THRAP3: variants seen among roughly 807,000 people sequenced by gnomAD.
THRAP3 encodes the protein thyroid hormone receptor-associated protein 3.
Under a neutral mutation model 101.0 loss-of-function variants are expected in THRAP3, and 16 were observed. The ratio of observed to expected loss-of-function variants is 0.16; its 90% confidence interval spans 0.11 to 0.24. THRAP3 has a LOEUF of 0.24. Among genes scored for constraint, THRAP3 ranks in the 10% least tolerant of loss-of-function variants. The pLI, the probability that THRAP3 is intolerant of heterozygous loss-of-function variation, is 1.00. For missense variants in THRAP3, 989 were observed against 1,202.7 expected (o/e 0.82, Z 2.63); for synonymous variants, 407 against 422.6 (o/e 0.96, Z 0.45).
chr1:36,245,873 A>C (rs564557403), intron 1 of THRAP3, among the ~76,000 whole-genome samples: 33 of 152,296 alleles, frequency 2.2e-4, no homozygotes, highest in Non-Finnish European at 4.1e-4. Flanking sequence ...CGTATTTTTC[A>C]GTCAGTAGCA....
chr1:36,264,777 T>A (rs1645491697), intron 2 of THRAP3, among the ~76,000 whole-genome samples: 1 of 152,204 alleles, frequency 6.6e-6, no homozygotes, highest in Non-Finnish European at 1.5e-5. Flanking sequence ...AGTTGAAGAT[T>A]TATTGAAAAT....
chr1:36,228,511 ATCTGGCCTAATT>A (rs1412491992), intron 1 of THRAP3, among the ~76,000 whole-genome samples: 1 of 152,168 alleles, frequency 6.6e-6, no homozygotes, highest in Non-Finnish European at 1.5e-5. Flanking sequence ...GAGCCAGCGC[ATCTGGCCTAATT>A]TTTGTATTTT....
intron 2 of THRAP3, among the ~76,000 whole-genome samples, chr1:36,264,658 G>C (rs968193237): frequency 6.6e-6 from 1 of 152,204 alleles, no homozygotes; most frequent in Non-Finnish European, 1.5e-5. Flanking sequence ...GTTGCTTATT[G>C]TGTGTTGAGA....
At chr1:36,285,394 CG>C (rs1323258062) in intron 3 of THRAP3, among the ~76,000 whole-genome samples, 2 of 152,120 alleles carry the variant, frequency 1.3e-5, no homozygotes, top group African/African-American at 4.8e-5. Flanking sequence ...CACCAACATA[CG>C]TAATTTTTGG....
chr1:36,282,598 G>A lies in THRAP3; in HGVS notation c.35G>A (p.Arg12His), dbSNP rs764933538. 19 of 1,613,820 alleles carry A rather than the reference G, an allele frequency of 1.2e-5. No homozygotes were observed. Among genetic ancestry groups the A allele is most frequent in the South Asian group, 2.2e-5 (2 of 91,078 alleles). Reference protein sequence around the residue: ...SKTNKSKSGSRSSRSRSASRS... With the variant: ...SKTNKSKSGSHSSRSRSASRS... ...ACAAACAAATCCAAGTCTGGATCTC[G>A]CTCTTCTCGCTCAAGATCTGCATCA... is the stretch of plus-strand genomic sequence containing the variant. The change falls in exon 3 of 12, where the codon CGC (arginine) becomes CAC (histidine). Residue 12 changes from arginine (R) to histidine (H), a missense_variant. Transcript: ENST00000354618.
chr1:36,225,778 G>A (rs912648318), intron 1 of THRAP3, among the ~76,000 whole-genome samples: 8 of 152,176 alleles, frequency 5.3e-5, no homozygotes, highest in African/African-American at 1.9e-4. Flanking sequence ...AGCAAATCGG[G>A]CTCAGTTTGT....
At chr1:36,292,250 G>GTTTTT (rs1645880238) in intron 6 of THRAP3, among the ~76,000 whole-genome samples, 1 of 68,688 alleles carries the variant, frequency 1.5e-5, no homozygotes, top group African/African-American at 4.5e-5. Flanking sequence ...GTAACATAAT[G>GTTTTT]TGTTTCTTTG....
intron 1 of THRAP3, among the ~76,000 whole-genome samples, chr1:36,237,789 A>AC (rs1038588633): frequency 7.2e-5 from 11 of 152,228 alleles, no homozygotes; most frequent in African/African-American, 2.4e-4. Context: ...AAACAAACAA[A>AC]AAAAAACAAC....
Position 36,303,783 on chromosome 1 carries a change from T to G in THRAP3, c.2647-13T>G, listed in dbSNP as rs776291927. 6.2e-7 allele frequency: 1 copy of G among 1,613,910 alleles called. No homozygotes were observed. Among genetic ancestry groups the G allele is most frequent in the South Asian group, 1.1e-5 (1 of 91,038 alleles). ...TTCACTCTGGCACTGATGGCAATTT[T>G]CTTTCCCCTCAGCATGATGACCGTG... On this transcript the variant is annotated splice_polypyrimidine_tract_variant and intron_variant, in intron 11 of 11. Coordinates refer to ENST00000354618, the MANE Select transcript of THRAP3 (RefSeq NM_005119.4).
At chr1:36,292,287 T>TC (rs1645885201) in intron 6 of THRAP3, among the ~76,000 whole-genome samples, 1 of 119,810 alleles carries the variant, frequency 8.3e-6, no homozygotes, top group Non-Finnish European at 1.7e-5. Context: ...TTTTTTTTTT[T>TC]TTGAGACGGA....
At position 36,253,630 on chromosome 1, in the gene THRAP3, G is replaced by A. The variant is rs764053844; in HGVS notation, c.-134-5752G>A. Among the ~76,000 whole-genome samples the A allele has an allele frequency of 3.3e-5, 5 of 152,102 alleles. No individual in the cohort carries two copies. The Middle Eastern group carries it at 0.01, about 310-fold the overall frequency. On this transcript the variant is annotated intron_variant, in intron 1 of 11. Coordinates refer to ENST00000354618, the MANE Select transcript of THRAP3 (RefSeq NM_005119.4). The stretch of plus-strand genomic sequence containing the variant: ...TTTCTTTGAGACAGAATCTCCCTCC[G>A]TCAGCTAGTCTGGAGTGCAGTGATG...
chr1:36,269,074 T>C (rs1251269542), intron 2 of THRAP3, among the ~76,000 whole-genome samples: 1 of 135,832 alleles, frequency 7.4e-6, no homozygotes, highest in Non-Finnish European at 1.7e-5. Context: ...TTGGGTATTT[T>C]GTCTTGGCAG....
intron 1 of THRAP3, among the ~76,000 whole-genome samples, chr1:36,250,941 T>C (rs917031119): frequency 6.6e-6 from 1 of 151,828 alleles, no homozygotes; most frequent in Admixed American, 6.6e-5. Context: ...GAGATGGGGT[T>C]TTACCATGTT....
At chr1:36,247,658 A>AT (rs1196069277) in intron 1 of THRAP3, among the ~76,000 whole-genome samples, 1 of 152,138 alleles carries the variant, frequency 6.6e-6, no homozygotes, top group East Asian at 1.9e-4. Flanking sequence ...CAAGTATGAT[A>AT]TACAAGAAAT....
At chr1:36,208,515 G>A in the THRAP3 span, among the ~76,000 whole-genome samples, 2 of 152,010 alleles carry the variant, frequency 1.3e-5, no homozygotes, top group Non-Finnish European at 2.9e-5. Flanking sequence ...TCTGCCCCCC[G>A]GTGTAAAGAA....
At chr1:36,264,869 A>G (rs186034308) in intron 2 of THRAP3, among the ~76,000 whole-genome samples, 228 of 152,236 alleles carry the variant, frequency 1.5e-3, no homozygotes, top group South Asian at 3.9e-3. Context: ...CAGCAGTTCT[A>G]TTGTCTCACA....
intron 9 of THRAP3, among the ~76,000 whole-genome samples, chr1:36,300,328 C>A (rs1272044877): frequency 6.6e-6 from 1 of 152,194 alleles, no homozygotes; most frequent in Admixed American, 6.5e-5. Flanking sequence ...CTTCTCTCAC[C>A]TGAGCCTCCT....
chr1:36,223,896 C>T (rs1027829479), upstream of THRAP3, among the ~76,000 whole-genome samples: 4 of 152,186 alleles, frequency 2.6e-5, no homozygotes, highest in Non-Finnish European at 4.4e-5. Context: ...GTGCTTGAGG[C>T]TTTCCTGTGC....
intron 3 of THRAP3, among the ~76,000 whole-genome samples, 156 bp downstream of exon 3, chr1:36,282,856 A>G (rs1039560000): frequency 6.6e-6 from 1 of 152,248 alleles, no homozygotes; most frequent in African/African-American, 2.4e-5. Context: ...AGGTCTCTTT[A>G]AACTACAAAT....
Sources: allele counts gnomAD v4.1 joint callset (sites outside exome capture counted in the v4.1 genomes callset), GRCh38; gene constraint gnomAD v4.1.1; transcripts MANE v1.5; gene names NCBI Gene and HGNC (gene_info 2026-07-23, HGNC 2026-07-21).